The following FARS2 variants were observed in gnomAD, a reference collection of about 807,000 sequenced individuals.
The protein encoded by FARS2 is phenylalanyl-tRNA synthetase 2, mitochondrial, also known as phenylalanine--tRNA ligase, mitochondrial.
A neutral mutation model predicts 46.4 loss-of-function variants in FARS2; 40 were observed. The observed-to-expected ratio is 0.86, with a 90% CI of 0.67 to 1.12. The LOEUF (loss-of-function observed/expected upper bound fraction) is 1.12. Ranked by LOEUF, FARS2 falls within the 50% of genes most tolerant of loss-of-function variation. FARS2 has a pLI of 0.00. For missense variants in FARS2, 513 were observed against 567.9 expected, an observed-to-expected ratio of 0.90 and a Z score of 0.98; for synonymous variants, 234 against 214.9, an observed-to-expected ratio of 1.09 and a Z score of -0.78.
intron 6 of FARS2, among the ~76,000 whole-genome samples, chr6:5,626,145 G>T (rs1007024212): frequency 6.6e-6 from 1 of 152,088 alleles, no homozygotes; most frequent in Non-Finnish European, 1.5e-5. Context: ...GCCTGAAGGA[G>T]GCCTGGTACG....
intron 6 of FARS2, among the ~76,000 whole-genome samples, chr6:5,703,517 A>G (rs1399061864): frequency 1.3e-5 from 2 of 152,208 alleles, no homozygotes; most frequent in African/African-American, 4.8e-5. Flanking sequence ...TAGCAGATAT[A>G]CATTTTATCC....
chr6:5,365,768 G>A (rs1758635207), intron 1 of FARS2, among the ~76,000 whole-genome samples: 1 of 151,964 alleles, frequency 6.6e-6, no homozygotes, highest in Non-Finnish European at 1.5e-5. Flanking sequence ...AGGCTTTACT[G>A]ATAACATAAA....
chr6:5,456,723 T>C, intron 4 of FARS2, among the ~76,000 whole-genome samples: 1 of 44,728 alleles, frequency 2.2e-5, no homozygotes, highest in African/African-American at 9.4e-5. Context: ...ACAGCGAGAC[T>C]CCATCTCAAA....
chr6:5,634,759 C>A (rs1469363852), intron 6 of FARS2, among the ~76,000 whole-genome samples: 1 of 152,194 alleles, frequency 6.6e-6, no homozygotes, highest in Admixed American at 6.5e-5. Flanking sequence ...CCCCTAGTCC[C>A]TTTTTTGGAG....
At position 5,727,765 on chromosome 6, in the gene FARS2, C is replaced by T. The variant is rs1189190226; in HGVS notation, c.1218-43526C>T. Among the ~76,000 whole-genome samples, 2 of 152,224 alleles carry T rather than the reference C, an allele frequency of 1.3e-5. No homozygotes were observed. The highest frequency in any genetic ancestry group is 4.8e-5 in the African/African-American group (2 of 41,454). On this transcript the variant is annotated intron_variant, in intron 6 of 6. Coordinates refer to ENST00000274680, the MANE Select transcript of FARS2 (RefSeq NM_006567.5). This position sits in a 1 kb window ranked among gnomAD's most constrained non-coding sequence, Gnocchi z 4.1. ...ATTTTCTTCCAATGCACTCTGACAG[C>T]TCAAAACACTTCCTCGAGCTTCTAT... is the stretch of plus-strand genomic sequence containing the variant.
chr6:5,755,378 C>A (rs557798741), intron 6 of FARS2, among the ~76,000 whole-genome samples: 2 of 152,038 alleles, frequency 1.3e-5, no homozygotes, highest in African/African-American at 4.8e-5. Context: ...TGTGATGTTC[C>A]CCTCCCTGGG....
At chr6:5,756,100 GT>G (rs1437353086) in intron 6 of FARS2, among the ~76,000 whole-genome samples, 2 of 152,152 alleles carry the variant, frequency 1.3e-5, no homozygotes, top group African/African-American at 4.8e-5. Context: ...CAACTTCTTG[GT>G]TCATGTCGGC....
chr6:5,481,274 G>A (rs890402154), intron 4 of FARS2, among the ~76,000 whole-genome samples: 7 of 152,192 alleles, frequency 4.6e-5, no homozygotes, highest in East Asian at 1.9e-4. Flanking sequence ...CCAGGCGGAC[G>A]TGTTAATAGG....
At chr6:5,652,270 G>A (rs933605603) in intron 6 of FARS2, among the ~76,000 whole-genome samples, 3 of 152,212 alleles carry the variant, frequency 2.0e-5, no homozygotes, top group South Asian at 2.1e-4. Context: ...GTTGAAAACA[G>A]GTCTCCTGTA....
intron 4 of FARS2, among the ~76,000 whole-genome samples, chr6:5,529,542 G>A (rs758911638): frequency 5.3e-5 from 8 of 152,150 alleles, no homozygotes; most frequent in South Asian, 2.1e-4. Context: ...TCTTGACCTC[G>A]TGATCCACCT....
At chr6:5,411,854 C>T (rs891172139) in intron 3 of FARS2, among the ~76,000 whole-genome samples, 3 of 152,022 alleles carry the variant, frequency 2.0e-5, no homozygotes, top group Admixed American at 6.6e-5. Flanking sequence ...TAATATTTCT[C>T]GAGTGTTTTC....
chr6:5,508,911 C>T (rs1448395162), intron 4 of FARS2, among the ~76,000 whole-genome samples: 2 of 152,116 alleles, frequency 1.3e-5, no homozygotes, highest in African/African-American at 4.8e-5. Flanking sequence ...TATTTAGTGA[C>T]AAATATAAAG....
intron 5 of FARS2, among the ~76,000 whole-genome samples, chr6:5,570,241 G>T (rs528186239): frequency 8.5e-5 from 13 of 152,312 alleles, no homozygotes; most frequent in African/African-American, 3.1e-4. Flanking sequence ...ATCTAGATTT[G>T]AATAGTTGGA....
intron 4 of FARS2, among the ~76,000 whole-genome samples, chr6:5,436,008 A>C (rs966554238): frequency 2.6e-5 from 4 of 151,940 alleles, no homozygotes; most frequent in Non-Finnish European, 4.4e-5. Context: ...GCTATAGCGA[A>C]GTGAATCAGC....
intron 2 of FARS2, among the ~76,000 whole-genome samples, chr6:5,396,822 C>T (rs73718092): frequency 0.08 from 12,212 of 152,170 alleles, 1,160 homozygotes; most frequent in African/African-American, 0.23. Context: ...CCCTCACCTT[C>T]ACCTCTTCAA....
intron 5 of FARS2, among the ~76,000 whole-genome samples, chr6:5,605,156 C>T: frequency 6.6e-6 from 1 of 152,140 alleles, no homozygotes; most frequent in Non-Finnish European, 1.5e-5. Context: ...GTGCCCCCTA[C>T]TCCCCTAAAA....
chr6:5,345,682 G>A (rs962550737), intron 1 of FARS2, among the ~76,000 whole-genome samples: 1 of 152,222 alleles, frequency 6.6e-6, no homozygotes, highest in Admixed American at 6.5e-5. Flanking sequence ...ATGCTGTAAA[G>A]TGGCACAGGA....
intron 3 of FARS2, among the ~76,000 whole-genome samples, chr6:5,408,654 G>A (rs1018230812): frequency 2.0e-5 from 3 of 152,090 alleles, no homozygotes; most frequent in African/African-American, 7.2e-5. Context: ...CGTGAAAGAT[G>A]CCTTGTAAGT....
At chr6:5,757,018 C>T (rs1448647058) in intron 6 of FARS2, among the ~76,000 whole-genome samples, 1 of 152,164 alleles carries the variant, frequency 6.6e-6, no homozygotes, top group Non-Finnish European at 1.5e-5. Flanking sequence ...CCCCCAAGCC[C>T]GTAATTGAAG....
Sources: gnomAD v4.1 joint callset for allele counts (sites outside exome capture counted in the v4.1 genomes callset) on GRCh38, gnomAD v4.1.1 for gene constraint, Gnocchi (gnomAD v3.1) non-coding constraint, MANE v1.5 for transcripts, NCBI Gene and HGNC (gene_info 2026-07-23, HGNC 2026-07-21) for gene names.